GUCD1: variants seen among roughly 807,000 people sequenced by gnomAD.
GUCD1 encodes the protein guanylyl cyclase domain containing 1, also known as protein GUCD1.
Under a neutral mutation model 28.3 loss-of-function variants are expected in GUCD1, and 17 were observed. That is an observed-to-expected ratio of 0.60 (90% CI 0.41 to 0.90). The LOEUF is 0.90. GUCD1 is among the 40% of genes least tolerant of loss of function. The pLI, the probability that GUCD1 is intolerant of heterozygous loss-of-function variation, is 0.00. For missense variants in GUCD1, 279 were observed against 305.5 expected (o/e 0.91, Z 0.65); for synonymous variants, 129 against 123.3 (o/e 1.05, Z -0.30).
intron 4 of GUCD1, 97 bp downstream of exon 4, chr22:24,546,817 T>C (rs960056445): frequency 3.5e-5 from 40 of 1,127,484 alleles, no homozygotes; most frequent in Non-Finnish European, 5.1e-5. Flanking sequence ...TCCAGAGTCC[T>C]AGCCTTTCCT....
intron 5 of GUCD1, 70 bp downstream of exon 5, chr22:24,543,772 C>G: frequency 1.3e-6 from 2 of 1,567,510 alleles, no homozygotes; most frequent in Non-Finnish European, 1.7e-6. Flanking sequence ...TGGGTGGGAA[C>G]TGTGGGCACT....
chr22:24,555,170 A>C (rs1344799846), upstream of GUCD1: 5 of 1,292,946 alleles, frequency 3.9e-6, no homozygotes, highest in South Asian at 9.4e-5. Flanking sequence ...CAGCCCTTCC[A>C]GGTCTCGAAT....
chr22:24,543,172 G>T, intron 5 of GUCD1, 75 bp from the exon 6 acceptor site: 1 of 1,055,682 alleles, frequency 9.5e-7, no homozygotes. Flanking sequence ...ACAGTGCCCA[G>T]GGGAGCTGAG....
intron 2 of GUCD1, 28 bp downstream of exon 2, chr22:24,548,889 C>T (rs764313417): frequency 1.7e-5 from 26 of 1,522,904 alleles, no homozygotes; most frequent in Middle Eastern, 1.7e-4. Context: ...TGGGAAGCAC[C>T]TGGGCCCCCA....
upstream of GUCD1, chr22:24,555,642 A>G: frequency 2.6e-6 from 4 of 1,550,610 alleles, no homozygotes; most frequent in Non-Finnish European, 3.5e-6. Flanking sequence ...AACAAATGAA[A>G]TTGTGACGGG....
intron 3 of GUCD1, chr22:24,547,276 G>A (rs1216464084): frequency 4.4e-6 from 2 of 451,042 alleles, no homozygotes; most frequent in Non-Finnish European, 8.2e-6. Context: ...GGGGAGGATC[G>A]ATCACCCTTG....
At position 24,542,626 on chromosome 22, in the gene GUCD1, G is replaced by A. The variant is rs766588954; in HGVS notation, c.*380C>T. 8 of 259,774 alleles carry A rather than the reference G, an allele frequency of 3.1e-5. No homozygotes were observed. The highest frequency in any genetic ancestry group is 6.2e-5 in the Non-Finnish European group (8 of 128,404). The allele number at this position is 259,774 out of a possible 1,614,324, so 16.1% of individuals were successfully genotyped here. A position where few individuals can be genotyped will look rare whatever the true frequency, so the allele number is the denominator to read the frequency against. On this transcript the variant is annotated 3_prime_UTR_variant, in exon 6 of 6. Transcript: ENST00000435822. ...ACACTCACATACTGTCCTGACAAGT[G>A]GCATCCGTCAAGCAACTTCTCTCTC...
At chr22:24,553,337 GTCTCCATGC>G (rs1371915709) in intron 1 of GUCD1, among the ~76,000 whole-genome samples, 2 of 152,140 alleles carry the variant, frequency 1.3e-5, no homozygotes, top group African/African-American at 4.8e-5. Flanking sequence ...TGTTAATGTT[GTCTCCATGC>G]TCTAATCCCT....
Position 24,548,117 on chromosome 22 carries a change from C to T in GUCD1, c.129-44G>A, listed in dbSNP as rs1269290711. 3 of 1,567,294 alleles carry T rather than the reference C, an allele frequency of 1.9e-6. No individual in the cohort carries two copies. The African/African-American group carries it at 4.0e-5, about 21-fold the overall frequency. ...GGGAGCTCAGCTTGGTCTTGAGGGT[C>T]AACTGGTCTGAGTCACCCTCCACCC... On this transcript the variant is annotated intron_variant, in intron 2 of 5. Coordinates refer to ENST00000435822, the MANE Select transcript of GUCD1 (RefSeq NM_001284254.2).
At position 24,542,814 on chromosome 22, in the gene GUCD1, A is replaced by G. The variant is rs2044625495; in HGVS notation, c.*192T>C. On this transcript the variant is annotated 3_prime_UTR_variant, in exon 6 of 6. Coordinates refer to ENST00000435822, the MANE Select transcript of GUCD1 (RefSeq NM_001284254.2). ...CCAGCAGGTGCTTGGGGTGAGTGACATGACAACACACGGCACTGGCAGACA... is the reference window on the plus strand; with the variant it reads ...CCAGCAGGTGCTTGGGGTGAGTGACGTGACAACACACGGCACTGGCAGACA... The G allele has an allele frequency of 7.2e-6, 4 of 555,506 alleles. No individual in the cohort carries two copies. Among genetic ancestry groups the G allele is most frequent in the Admixed American group, 6.1e-5 (2 of 33,026 alleles). 34.4% of individuals were successfully genotyped at this position (555,506 alleles called of 1,614,324 possible).
chr22:24,543,770 A>G (rs2044652707), intron 5 of GUCD1, 72 bp downstream of exon 5: 2 of 1,562,194 alleles, frequency 1.3e-6, no homozygotes, highest in Non-Finnish European at 1.7e-6. Context: ...AATGGGTGGG[A>G]ACTGTGGGCA....
intron 4 of GUCD1, among the ~76,000 whole-genome samples, chr22:24,544,969 G>GC (rs1209841743): frequency 6.6e-6 from 1 of 151,702 alleles, no homozygotes; most frequent in Non-Finnish European, 1.5e-5. Flanking sequence ...GAGCTGTATT[G>GC]CAATATTGCG....
chr22:24,547,695 T>A, intron 3 of GUCD1: 1 of 553,630 alleles, frequency 1.8e-6, no homozygotes, highest in South Asian at 2.2e-5. Context: ...AGTACTCAGA[T>A]CCTCTGGGCA....
At chr22:24,547,588 G>A in intron 3 of GUCD1, 1 of 304,260 alleles carries the variant, frequency 3.3e-6, no homozygotes, top group Non-Finnish European at 6.2e-6. Context: ...AGAGGCCCTG[G>A]GCCTGCCTTG....
upstream of GUCD1, chr22:24,555,608 C>A (rs1319899233): frequency 6.4e-7 from 1 of 1,550,628 alleles, no homozygotes; most frequent in Non-Finnish European, 8.7e-7. Context: ...CTCAGGGCCC[C>A]CCTTACCTGG....
In GUCD1 at chr22:24,548,042, C is replaced by T. The variant is rs780544477; in HGVS notation, c.160G>A (p.Glu54Lys). The T allele has an allele frequency of 5.0e-6, 8 of 1,614,122 alleles. 1 individual carries two copies. The South Asian group carries it at 8.8e-5, about 18-fold the overall frequency. The part of the protein sequence containing the change: ...YLGQLDDSEF[E>K]RALQKLQLTR... ...AGCTGCAGCTTCTGCAGGGCTCTCT[C>T]AAACTCACTGTCGTCCAGCTGGCCC... The change falls in exon 3 of 6, where the codon GAG (glutamate) becomes AAG (lysine). Residue 54 changes from glutamate to lysine, a missense_variant. Coordinates refer to ENST00000435822, the MANE Select transcript of GUCD1 (RefSeq NM_001284254.2).
chr22:24,548,760 T>C (rs1054075223), intron 2 of GUCD1, among the ~76,000 whole-genome samples, 157 bp downstream of exon 2: 1 of 152,152 alleles, frequency 6.6e-6, no homozygotes, highest in African/African-American at 2.4e-5. Flanking sequence ...CTTGCTCACT[T>C]TTGCAGATGG....
chr22:24,555,681 C>G (rs929775218), upstream of GUCD1: 1 of 1,550,682 alleles, frequency 6.4e-7, no homozygotes, highest in South Asian at 1.2e-5. Context: ...CAACCTCCTG[C>G]TGTCCCCGGT....
Position 24,542,958 on chromosome 22 carries a change from TG to T in GUCD1, c.*47del. ...CCAGGGCATCCTGAGCGGGCCCGGC[TG>T]GGGTGGGGATGGGGTCCGAGGGCCT... On this transcript the variant is annotated 3_prime_UTR_variant, in exon 6 of 6. Coordinates refer to ENST00000435822, the MANE Select transcript of GUCD1 (RefSeq NM_001284254.2). 2 of 1,398,130 alleles carry T rather than the reference TG, an allele frequency of 1.4e-6. No individual in the cohort carries two copies. Among genetic ancestry groups the T allele is most frequent in the Non-Finnish European group, 2.0e-6 (2 of 984,226 alleles). The allele number at this position is 1,398,130 out of a possible 1,614,324, so 86.6% of individuals were successfully genotyped here. A position where few individuals can be genotyped will look rare whatever the true frequency, so the allele number is the denominator to read the frequency against.
Sources: allele counts gnomAD v4.1 joint callset (sites outside exome capture counted in the v4.1 genomes callset), GRCh38; gene constraint gnomAD v4.1.1; transcripts MANE v1.5; gene names NCBI Gene and HGNC (gene_info 2026-07-23, HGNC 2026-07-21).